The following MEF2C variants were observed in gnomAD, a reference collection of about 807,000 sequenced individuals.
The protein encoded by MEF2C is myocyte-specific enhancer factor 2C.
Under a neutral mutation model 50.5 loss-of-function variants are expected in MEF2C, and 6 were observed. The ratio of observed to expected loss-of-function variants is 0.12; its 90% CI spans 0.07 to 0.23. MEF2C has a LOEUF of 0.23. MEF2C is among the 10% of genes least tolerant of loss of function. MEF2C has a pLI of 1.00. For missense variants in MEF2C, 276 were observed against 605.0 expected, an observed-to-expected ratio of 0.46 and a Z score of 5.70; for synonymous variants, 183 against 228.0, an observed-to-expected ratio of 0.80 and a Z score of 1.78.
intron 6 of MEF2C, chr5:88,741,218 G>A: frequency 1.0e-6 from 1 of 985,352 alleles, no homozygotes; most frequent in Non-Finnish European, 1.2e-6. Context: ...ACTGCATTAA[G>A]CTAAACATTA....
At chr5:88,834,066 T>C (rs996633873) in intron 1 of MEF2C, among the ~76,000 whole-genome samples, 2 of 150,598 alleles carry the variant, frequency 1.3e-5, no homozygotes, top group Admixed American at 6.6e-5. Flanking sequence ...GACCTCTCCA[T>C]GACTGCCCTG....
chr5:88,744,126 G>A, intron 6 of MEF2C: 1 of 985,196 alleles, frequency 1.0e-6, no homozygotes. Flanking sequence ...TGAAAACAAA[G>A]GATACTAACG....
At chr5:88,863,686 C>T (rs1826259303) in intron 1 of MEF2C, among the ~76,000 whole-genome samples, 1 of 152,200 alleles carries the variant, frequency 6.6e-6, no homozygotes, top group Non-Finnish European at 1.5e-5. Context: ...TTTCTACTCT[C>T]TACTTCTGTA....
intron 3 of MEF2C, among the ~76,000 whole-genome samples, chr5:88,774,881 C>A (rs375194949): frequency 4.5e-4 from 69 of 152,278 alleles, no homozygotes; most frequent in African/African-American, 1.6e-3. Context: ...CAGTGGCTTT[C>A]TTTATTTAAA....
intron 1 of MEF2C, among the ~76,000 whole-genome samples, chr5:88,840,593 T>A (rs1227027437): frequency 6.6e-6 from 1 of 152,220 alleles, no homozygotes; most frequent in Non-Finnish European, 1.5e-5. Flanking sequence ...CCAGATTTGT[T>A]TCTAGCCAAC....
At chr5:88,861,688 C>T (rs186230221) in intron 1 of MEF2C, among the ~76,000 whole-genome samples, 1 of 152,236 alleles carries the variant, frequency 6.6e-6, no homozygotes, top group Admixed American at 6.5e-5. Context: ...CAAGGGCTTG[C>T]AAAGTAATCA....
At chr5:88,819,096 A>G (rs1279684379) in intron 2 of MEF2C, among the ~76,000 whole-genome samples, 2 of 151,876 alleles carry the variant, frequency 1.3e-5, no homozygotes, top group Admixed American at 6.6e-5. Context: ...GTAACTTGCT[A>G]GAGGGTCACA....
At chr5:88,752,172 T>C (rs1773125094) in intron 4 of MEF2C, 129 bp from the exon 5 acceptor site, 2 of 765,458 alleles carry the variant, frequency 2.6e-6, no homozygotes, top group African/African-American at 1.8e-5. Context: ...AGAAGACCAT[T>C]AAGAAGAGCT....
chr5:88,801,951 A>G (rs1798550944), intron 3 of MEF2C, among the ~76,000 whole-genome samples: 1 of 152,170 alleles, frequency 6.6e-6, no homozygotes, highest in African/African-American at 2.4e-5. Context: ...TTTTTCCATG[A>G]TCTCTGTTAT....
At chr5:88,752,205 T>C (rs1773144688) in intron 4 of MEF2C, among the ~76,000 whole-genome samples, 162 bp from the exon 5 acceptor site, 1 of 152,258 alleles carries the variant, frequency 6.6e-6, no homozygotes, top group African/African-American at 2.4e-5. Flanking sequence ...AGATCATAAA[T>C]TGATTTCTTA....
chr5:88,846,853 G>A (rs1015623606), intron 1 of MEF2C, among the ~76,000 whole-genome samples: 1 of 152,222 alleles, frequency 6.6e-6, no homozygotes, highest in African/African-American at 2.4e-5. Context: ...AATGGATATA[G>A]TCTGGCAGGA....
chr5:88,729,100 G>A lies in MEF2C; in HGVS notation c.964+118C>T, dbSNP rs118120357. The A allele has an allele frequency of 6.9e-5, 77 of 1,108,248 alleles. No individual in the cohort carries two copies. The East Asian group carries it at 1.8e-3, about 27-fold the overall frequency. 68.7% of individuals were successfully genotyped at this position (1,108,248 alleles called of 1,614,324 possible). ...AGTGAAGAATGGGTAATGCTGCAGT[G>A]CTGTGGACGGCGCAGGCCCTAAATA... On this transcript the variant is annotated intron_variant, in intron 9 of 10. Transcript: ENST00000504921.
At chr5:88,764,579 G>T (rs1426651022) in intron 3 of MEF2C, among the ~76,000 whole-genome samples, 1 of 45,656 alleles carries the variant, frequency 2.2e-5, no homozygotes, top group Non-Finnish European at 7.9e-5. Flanking sequence ...GGAGGCCGAG[G>T]CAGGCCGATC....
intron 1 of MEF2C, chr5:88,838,498 C>G: frequency 1.1e-6 from 1 of 910,672 alleles, no homozygotes; most frequent in Non-Finnish European, 1.3e-6. Context: ...AAAGAATTGT[C>G]TTCCTGATAA....
chr5:88,751,430 C>T, intron 5 of MEF2C: 1 of 984,984 alleles, frequency 1.0e-6, no homozygotes, highest in Non-Finnish European at 1.2e-6. Flanking sequence ...AAAAAATTGA[C>T]CCAAATAATA....
At chr5:88,772,413 A>G (rs879422741) in intron 3 of MEF2C, 1 of 152,254 alleles carries the variant, frequency 6.6e-6, no homozygotes, top group Non-Finnish European at 1.5e-5. Flanking sequence ...AGAGAGGTAA[A>G]GACATCTAAT....
intron 3 of MEF2C, among the ~76,000 whole-genome samples, chr5:88,775,608 C>A (rs1274518799): frequency 6.6e-6 from 1 of 151,978 alleles, no homozygotes; most frequent in African/African-American, 2.4e-5. Flanking sequence ...TAATTAAAAT[C>A]AAATTCATCT....
intron 1 of MEF2C, among the ~76,000 whole-genome samples, chr5:88,889,940 C>T (rs1834352044): frequency 6.6e-6 from 1 of 152,168 alleles, no homozygotes; most frequent in South Asian, 2.1e-4. Flanking sequence ...CGTCTGGTGA[C>T]GCAGGCTGCC....
intron 8 of MEF2C, among the ~76,000 whole-genome samples, chr5:88,729,743 G>A (rs1760620737): frequency 6.6e-6 from 1 of 152,048 alleles, no homozygotes; most frequent in Admixed American, 6.6e-5. Context: ...ATACAGCAGA[G>A]AGCAAATGAG....
Sources: gnomAD v4.1 joint callset for allele counts (sites outside exome capture counted in the v4.1 genomes callset) on GRCh38, gnomAD v4.1.1 for gene constraint, MANE v1.5 for transcripts, NCBI Gene and HGNC (gene_info 2026-07-23, HGNC 2026-07-21) for gene names.